The following DEUP1 variants were observed in gnomAD, a reference collection of about 807,000 sequenced individuals.
The protein encoded by DEUP1 is deuterosome assembly protein 1, also known as coiled-coil domain containing 67.
In DEUP1, 82 loss-of-function variants were observed where a neutral mutation model predicts 87.4. That is an observed-to-expected ratio of 0.94 (90% confidence interval 0.78 to 1.13). DEUP1 has a LOEUF of 1.13. Ranked by LOEUF, DEUP1 falls within the 50% of genes most tolerant of loss-of-function variation. DEUP1 has a pLI of 0.00. For missense variants in DEUP1, 663 were observed against 681.5 expected (o/e 0.97, Z 0.30); for synonymous variants, 214 against 222.7 (o/e 0.96, Z 0.35).
At chr11:93,412,742 C>T (rs577937050) in intron 12 of DEUP1, among the ~76,000 whole-genome samples, 6 of 152,050 alleles carry the variant, frequency 3.9e-5, no homozygotes, top group African/African-American at 1.4e-4. Flanking sequence ...TAGACAGTAA[C>T]CTCACTCAAA....
chr11:93,436,099 GC>G (rs1189155547), intron 13 of DEUP1, among the ~76,000 whole-genome samples: 1 of 151,856 alleles, frequency 6.6e-6, no homozygotes, highest in Non-Finnish European at 1.5e-5. Context: ...ATTAATTTTT[GC>G]TTTACCTAGG....
At chr11:93,364,678 A>C (rs1251453142) in intron 5 of DEUP1, among the ~76,000 whole-genome samples, 3 of 152,064 alleles carry the variant, frequency 2.0e-5, no homozygotes, top group East Asian at 1.9e-4. Flanking sequence ...GCCTCATCAC[A>C]GTTTTTAAAA....
chr11:93,430,405 A>T (rs139615498), intron 13 of DEUP1, among the ~76,000 whole-genome samples: 1 of 152,366 alleles, frequency 6.6e-6, no homozygotes, highest in East Asian at 1.9e-4. Context: ...AGCCATTAAA[A>T]GCAGCTATGC....
At position 93,437,696 on chromosome 11, in the gene DEUP1, C is replaced by G; in HGVS notation, c.1792C>G (p.Leu598Val). The G allele has an allele frequency of 6.2e-7, 1 of 1,602,384 alleles. No homozygotes were observed. Among genetic ancestry groups the G allele is most frequent in the Non-Finnish European group, 8.5e-7 (1 of 1,170,754 alleles). Residue 598 changes from leucine (L) to valine (V), a missense_variant, in exon 14 of 14, where the codon CTA (leucine) becomes GTA (valine). Transcript: ENST00000298050. ...TEFTLNKYSK[L>V]KQNRHI is the part of the protein sequence containing the mutation. ...ATTTACTCTTAATAAATACTCCAAG[C>G]TAAAACAAAATAGACACATATGAGC...
At chr11:93,383,364 CA>C (rs1946390437) in intron 7 of DEUP1, 2 of 368,216 alleles carry the variant, frequency 5.4e-6, no homozygotes, top group African/African-American at 4.2e-5. Flanking sequence ...AGGGCAGTCA[CA>C]AAAGGCCACA....
chr11:93,405,961 C>T (rs964320628), intron 11 of DEUP1, among the ~76,000 whole-genome samples: 3 of 151,930 alleles, frequency 2.0e-5, no homozygotes, highest in Admixed American at 2.0e-4. Context: ...ATTGTTTAAA[C>T]AGCAGCTACA....
At chr11:93,334,803 A>G (rs1376218090) in intron 2 of DEUP1, among the ~76,000 whole-genome samples, 1 of 152,112 alleles carries the variant, frequency 6.6e-6, no homozygotes, top group Non-Finnish European at 1.5e-5. Context: ...TTGAAACTCA[A>G]TTTTATGTTT....
intron 11 of DEUP1, among the ~76,000 whole-genome samples, chr11:93,403,587 C>CT (rs1333894635): frequency 1.3e-5 from 2 of 151,658 alleles, no homozygotes; most frequent in African/African-American, 2.4e-5. Flanking sequence ...TGTCTTAACT[C>CT]TGACTCACAA....
chr11:93,352,585 G>A, intron 2 of DEUP1: 1 of 592,460 alleles, frequency 1.7e-6, no homozygotes, highest in South Asian at 2.3e-5. Flanking sequence ...GCCTGCCTTA[G>A]TTTGTTTTCA....
chr11:93,427,756 A>G (rs1947970447), intron 13 of DEUP1, among the ~76,000 whole-genome samples: 1 of 139,010 alleles, frequency 7.2e-6, no homozygotes, highest in Non-Finnish European at 1.6e-5. Context: ...CAGAATCTAC[A>G]ATCGACTCAA....
At chr11:93,373,318 T>C (rs1309431896) in intron 7 of DEUP1, among the ~76,000 whole-genome samples, 1 of 152,046 alleles carries the variant, frequency 6.6e-6, no homozygotes, top group Non-Finnish European at 1.5e-5. Flanking sequence ...CAGTTTACAC[T>C]GTACCCAATT....
chr11:93,415,204 T>C, intron 13 of DEUP1, 90 bp downstream of exon 13: 2 of 792,522 alleles, frequency 2.5e-6, no homozygotes, highest in African/African-American at 1.7e-5. Flanking sequence ...ACATAGTAGT[T>C]CGTTTGTTTT....
intron 4 of DEUP1, among the ~76,000 whole-genome samples, chr11:93,357,665 T>C (rs1008926824): frequency 6.6e-6 from 1 of 152,188 alleles, no homozygotes; most frequent in Non-Finnish European, 1.5e-5. Context: ...ATATCTTTGC[T>C]TAACTTAGTG....
At chr11:93,395,083 A>T (rs1946898410) in intron 10 of DEUP1, among the ~76,000 whole-genome samples, 1 of 152,182 alleles carries the variant, frequency 6.6e-6, no homozygotes, top group Non-Finnish European at 1.5e-5. Context: ...GGCTTTTTAC[A>T]AATGGATGTT....
chr11:93,364,037 AG>A (rs1482054416), intron 4 of DEUP1, 122 bp from the exon 5 acceptor site: 1 of 684,314 alleles, frequency 1.5e-6, no homozygotes, highest in African/African-American at 1.8e-5. Context: ...GAAACATTTA[AG>A]CTTTACTGCA....
chr11:93,356,820 G>A (rs2134217719), intron 3 of DEUP1, 128 bp from the exon 4 acceptor site: 2 of 669,586 alleles, frequency 3.0e-6, no homozygotes, highest in South Asian at 3.4e-5. Flanking sequence ...TTTAAGAAGT[G>A]CAGTACAAAT....
chr11:93,343,175 T>C lies in DEUP1; in HGVS notation c.29+10887T>C, dbSNP rs576940366. Among the ~76,000 whole-genome samples, 57 of 152,318 alleles carry C rather than the reference T, an allele frequency of 3.7e-4. 2 individuals are homozygous for C. The South Asian group carries it at 7.9e-3, about 21-fold the overall frequency. On this transcript the variant is annotated intron_variant, in intron 2 of 13. Coordinates refer to ENST00000298050, the MANE Select transcript of DEUP1 (RefSeq NM_181645.4). ...AATTTCTGACATTCCAAAAGCAGTA[T>C]ATTAATTAAAACGTTGTCTAGATTA... is the stretch of plus-strand genomic sequence containing the variant.
At position 93,437,742 on chromosome 11, in the gene DEUP1, T is replaced by TAC. The variant is rs1565360125; in HGVS notation, c.*23_*24insAC. On this transcript the variant is annotated 3_prime_UTR_variant, in exon 14 of 14. Coordinates refer to ENST00000298050, the MANE Select transcript of DEUP1 (RefSeq NM_181645.4). ...TGAGCTTTTAAACTTTTTTATTTGC[T>TAC]TCCCCCCCCCACCCCCGCCAAGAAA... is the stretch of plus-strand genomic sequence containing the variant. The TAC allele has an allele frequency of 2.7e-6, 3 of 1,111,822 alleles. No individual in the cohort carries two copies. The highest frequency in any genetic ancestry group is 2.1e-5 in the African/African-American group (1 of 47,090). The allele number at this position is 1,111,822 out of a possible 1,614,324, so 68.9% of individuals were successfully genotyped here.
At chr11:93,343,941 C>T (rs1944201389) in intron 2 of DEUP1, among the ~76,000 whole-genome samples, 1 of 151,930 alleles carries the variant, frequency 6.6e-6, no homozygotes, top group Non-Finnish European at 1.5e-5. Flanking sequence ...GCCACCATCT[C>T]AATTATGTAA....
Sources: allele counts gnomAD v4.1 joint callset (sites outside exome capture counted in the v4.1 genomes callset), GRCh38; gene constraint gnomAD v4.1.1; transcripts MANE v1.5; gene names NCBI Gene and HGNC (gene_info 2026-07-23, HGNC 2026-07-21).